Variants in ZNF891 observed in about 807,000 individuals in gnomAD.
The protein encoded by ZNF891 is hCG1646157.
For missense variants in ZNF891, 589 were observed against 632.7 expected (o/e 0.93, Z 0.74); for synonymous variants, 199 against 209.0 (o/e 0.95, Z 0.41).
Position 133,106,154 on chromosome 12 carries a change from A to T in ZNF891, c.*14130T>A, listed in dbSNP as rs763438549. On this transcript the variant is annotated 3_prime_UTR_variant, in exon 2 of 2. Coordinates refer to ENST00000537226, the MANE Select transcript of ZNF891 (RefSeq NM_001277291.2). ...TGGCTCAGAACTCATTCGCCACCAG[A>T]TTACACATACTGGAGAGAAACCTTA... The T allele has an allele frequency of 8.1e-6, 13 of 1,614,180 alleles. No individual in the cohort carries two copies. The highest frequency in any genetic ancestry group is 1.7e-5 in the Admixed American group (1 of 60,018).
rs1417779800 is a variant in ZNF891 at position 133,126,451 on chromosome 12, G to A, written c.-107+3776C>T. Among the ~76,000 whole-genome samples, 5 of 131,042 alleles carry A rather than the reference G, an allele frequency of 3.8e-5. No homozygotes were observed. The Admixed American group carries it at 4.3e-4, about 11-fold the overall frequency. The allele number at this position is 131,042 out of a possible 152,430, so 86.0% of individuals were successfully genotyped here. ...GTCGTACCACTGCACTCCAGCCTGG[G>A]CAACAAAGCGAGACTCCGTCTCAAA... On this transcript the variant is annotated intron_variant, in intron 1 of 1. Transcript: ENST00000537226.
rs1006219970 is a variant in ZNF891, at chr12:133,118,037, C to T, written c.*2247G>A. 3 of 151,194 alleles carry T rather than the reference C, an allele frequency of 2.0e-5. No individual in the cohort carries two copies. Among genetic ancestry groups the T allele is most frequent in the African/African-American group, 7.3e-5 (3 of 41,016 alleles). The allele number at this position is 151,194 out of a possible 1,614,324, so 9.4% of individuals were successfully genotyped here. A position where few individuals can be genotyped will look rare whatever the true frequency, so the allele number is the denominator to read the frequency against. On this transcript the variant is annotated 3_prime_UTR_variant, in exon 2 of 2. Coordinates refer to ENST00000537226, the MANE Select transcript of ZNF891 (RefSeq NM_001277291.2). ...TCTCATCTCACTGCAACCTCTGCCT[C>T]CCAGGTTCAAGTGATTCTTCTGCCT... is the stretch of plus-strand genomic sequence containing the variant.
chr12:133,125,795 T>C, intron 1 of ZNF891: 1 of 485,140 alleles, frequency 2.1e-6, no homozygotes, highest in Non-Finnish European at 4.1e-6. Context: ...AAGCACCAGG[T>C]CAACATGCCC....
At position 133,114,539 on chromosome 12, in the gene ZNF891, A is replaced by C. The variant is rs989221997; in HGVS notation, c.*5745T>G. 4 of 152,182 alleles carry C rather than the reference A, an allele frequency of 2.6e-5. No homozygotes were observed. The highest frequency in any genetic ancestry group is 9.7e-5 in the African/African-American group (4 of 41,446). 9.4% of individuals were successfully genotyped at this position (152,182 alleles called of 1,614,324 possible). ...ATGGTAAGTAAAAGAAAAGGCACAA[A>C]ATTTGCTGAAGAACCGTAAATATTT... On this transcript the variant is annotated 3_prime_UTR_variant, in exon 2 of 2. Transcript: ENST00000537226.
Position 133,120,563 on chromosome 12 carries a change from T to C in ZNF891, c.1356A>G (p.Lys452=). 8.3e-6 allele frequency: 13 copies of C among 1,560,380 alleles called. No homozygotes were observed. The highest frequency in any genetic ancestry group is 1.1e-5 in the Non-Finnish European group (13 of 1,153,736). The part of the protein sequence containing the change: ...NTSSHLKVHK[K]IHTGENVYEC... ...CATAAACATTCTCTCCGGTATGAAT[T>C]TTCTTATGAACTTTAAGGTGAGAGC... Residue 452 remains lysine, a synonymous_variant, in exon 2 of 2, where the codon AAA becomes AAG. Transcript: ENST00000537226.
rs535835835 is a variant in ZNF891, at chr12:133,110,101, A to G, written c.*10183T>C. ...GTCTCAAAAAAAAAGAAAACCTAGA[A>G]TATTTATTTACTCTCAGGACCTTCA... On this transcript the variant is annotated 3_prime_UTR_variant, in exon 2 of 2. Transcript: ENST00000537226. 2.0e-5 allele frequency: 3 copies of G among 152,198 alleles called. No individual in the cohort carries two copies. The highest frequency in any genetic ancestry group is 4.4e-5 in the Non-Finnish European group (3 of 68,038). The allele number at this position is 152,198 out of a possible 1,614,324, so 9.4% of individuals were successfully genotyped here.
rs1178515008 is a variant in ZNF891, at chr12:133,107,999, G to A, written c.*12285C>T. 1.3e-5 allele frequency: 2 copies of A among 152,176 alleles called. No individual in the cohort carries two copies. The highest frequency in any genetic ancestry group is 2.4e-5 in the African/African-American group (1 of 41,456). The allele number at this position is 152,176 out of a possible 1,614,324, so 9.4% of individuals were successfully genotyped here. Reference sequence around the variant, plus strand: ...TAGCCCAAAAACACCTTATTTACATGTACTAGAGTTCTAAATACATTATCA... The same window carrying A: ...TAGCCCAAAAACACCTTATTTACATATACTAGAGTTCTAAATACATTATCA... On this transcript the variant is annotated 3_prime_UTR_variant, in exon 2 of 2. Transcript: ENST00000537226.
At position 133,113,753 on chromosome 12, in the gene ZNF891, T is replaced by G. The variant is rs1009775815; in HGVS notation, c.*6531A>C. On this transcript the variant is annotated 3_prime_UTR_variant, in exon 2 of 2. Coordinates refer to ENST00000537226, the MANE Select transcript of ZNF891 (RefSeq NM_001277291.2). ...TTGTTTTTGTTTTTAGACAGGGTCT[T>G]ACTCTGTCACCCAGGCTGGAGTGCA... 1 of 152,198 alleles carries G rather than the reference T, an allele frequency of 6.6e-6. No individual in the cohort carries two copies. The highest frequency in any genetic ancestry group is 1.5e-5 in the Non-Finnish European group (1 of 68,068). 9.4% of individuals were successfully genotyped at this position (152,198 alleles called of 1,614,324 possible). A position where few individuals can be genotyped will look rare whatever the true frequency, so the allele number is the denominator to read the frequency against.
In ZNF891 at chr12:133,121,508, T is replaced by G; in HGVS notation, c.411A>C (p.Ala137=). 6 of 1,536,276 alleles carry G rather than the reference T, an allele frequency of 3.9e-6. No individual in the cohort carries two copies. The highest frequency in any genetic ancestry group is 2.4e-5 in the East Asian group (1 of 40,912). Residue 137 remains alanine, a synonymous_variant, in exon 2 of 2, where the codon GCA becomes GCC. Coordinates refer to ENST00000537226, the MANE Select transcript of ZNF891 (RefSeq NM_001277291.2). The part of the protein sequence containing the change: ...QKILWEEPSN[A]VKMIKLTMHN... ...GCATTGTGAGTTTTATCATTTTCACTGCATTGGATGGTTCCTCCCACAAAA... is the reference window on the plus strand; with the variant it reads ...GCATTGTGAGTTTTATCATTTTCACGGCATTGGATGGTTCCTCCCACAAAA...
intron 1 of ZNF891, among the ~76,000 whole-genome samples, chr12:133,128,466 T>C (rs149959108): frequency 3.3e-5 from 5 of 152,162 alleles, no homozygotes; most frequent in African/African-American, 1.2e-4. Flanking sequence ...ACCCCGTCTC[T>C]ACTAAAAAAT....
Position 133,120,405 on chromosome 12 carries a change from C to T in ZNF891, c.1514G>A (p.Arg505Lys). 3 of 1,599,176 alleles carry T rather than the reference C, an allele frequency of 1.9e-6. No homozygotes were observed. Among genetic ancestry groups the T allele is most frequent in the Non-Finnish European group, 2.6e-6 (3 of 1,173,760 alleles). Residue 505 changes from arginine to lysine, a missense_variant, in exon 2 of 2, where the codon AGG (arginine) becomes AAG (lysine). Arg to Lys is a conservative substitution (Grantham distance 26, BLOSUM62 2). Transcript: ENST00000537226. ...CTCTCCAGTGTGAATTCTCACATGC[C>T]TCCTAAGGGAAGAGGAAACACTGAA... The part of the protein sequence containing the change: ...KAFSVSSSLR[R>K]HVRIHTGEKP...
intron 1 of ZNF891, among the ~76,000 whole-genome samples, chr12:133,122,791 C>T (rs1199909782): frequency 1.3e-5 from 2 of 152,160 alleles, no homozygotes; most frequent in East Asian, 1.9e-4. Flanking sequence ...TCCCCAAAGT[C>T]CATATTGTCA....
At position 133,106,210 on chromosome 12, in the gene ZNF891, C is replaced by T. The variant is rs777751395; in HGVS notation, c.*14074G>A. 1 of 1,614,158 alleles carries T rather than the reference C, an allele frequency of 6.2e-7. No homozygotes were observed. The highest frequency in any genetic ancestry group is 1.7e-5 in the Admixed American group (1 of 60,022). Reference sequence around the variant, plus strand: ...GCATTGAATGTGGGAAGGCATTTCGCCGTTTCTCACACCTTACTCGACATC... The same window carrying T: ...GCATTGAATGTGGGAAGGCATTTCGTCGTTTCTCACACCTTACTCGACATC... On this transcript the variant is annotated 3_prime_UTR_variant, in exon 2 of 2. Coordinates refer to ENST00000537226, the MANE Select transcript of ZNF891 (RefSeq NM_001277291.2).
At position 133,114,120 on chromosome 12, in the gene ZNF891, T is replaced by C. The variant is rs1027274926; in HGVS notation, c.*6164A>G. The C allele has an allele frequency of 1.3e-5, 2 of 152,110 alleles. No homozygotes were observed. The highest frequency in any genetic ancestry group is 2.4e-5 in the African/African-American group (1 of 41,416). The allele number at this position is 152,110 out of a possible 1,614,324, so 9.4% of individuals were successfully genotyped here. ...TCATCCCTTTTCATATTATAATACA[T>C]AATGGAACAGAATATGAACACTTGC... On this transcript the variant is annotated 3_prime_UTR_variant, in exon 2 of 2. Transcript: ENST00000537226.
At position 133,106,569 on chromosome 12, in the gene ZNF891, A is replaced by C; in HGVS notation, c.*13715T>G. 6.2e-7 allele frequency: 1 copy of C among 1,613,876 alleles called. No homozygotes were observed. Among genetic ancestry groups the C allele is most frequent in the South Asian group, 1.1e-5 (1 of 91,078 alleles). Reference sequence around the variant, plus strand: ...AGCTGGAGCTCAAACCTTGCTAAACATCAGAGGACACACACTCTTGACAAC... The same window carrying C: ...AGCTGGAGCTCAAACCTTGCTAAACCTCAGAGGACACACACTCTTGACAAC... On this transcript the variant is annotated 3_prime_UTR_variant, in exon 2 of 2. Coordinates refer to ENST00000537226, the MANE Select transcript of ZNF891 (RefSeq NM_001277291.2).
Position 133,106,452 on chromosome 12 carries a change from A to T in ZNF891, c.*13832T>A. ...CCCTATGCGTGTGCTGAATGTGATA[A>T]AGCCTTCAGCCGGAGCTTTTCCCTC... On this transcript the variant is annotated 3_prime_UTR_variant, in exon 2 of 2. Transcript: ENST00000537226. The T allele has an allele frequency of 6.2e-7, 1 of 1,614,094 alleles. No homozygotes were observed. Among genetic ancestry groups the T allele is most frequent in the Non-Finnish European group, 8.5e-7 (1 of 1,180,006 alleles).
chr12:133,105,377 C>G lies in ZNF891; in HGVS notation c.*14907G>C. On this transcript the variant is annotated 3_prime_UTR_variant, in exon 2 of 2. Transcript: ENST00000537226. ...AGTTCTGGGCATACTACTCAGATTT[C>G]AGTCACAGCTGTGAAAGCTGCTATT... 1.2e-6 allele frequency: 1 copy of G among 866,218 alleles called. No homozygotes were observed. Among genetic ancestry groups the G allele is most frequent in the South Asian group, 1.9e-5 (1 of 52,962 alleles). The allele number at this position is 866,218 out of a possible 1,614,324, so 53.7% of individuals were successfully genotyped here.
chr12:133,120,816 C>CT lies in ZNF891; in HGVS notation c.1102dup (p.Arg368LysfsTer10). ...ATAGGGTTTCTCTCCAGTGTGAGTTCTTACATGTCTCCTTAAGGTTGAGGA... is the reference window on the plus strand; with the variant it reads ...ATAGGGTTTCTCTCCAGTGTGAGTTCTTTACATGTCTCCTTAAGGTTGAGGA... On this transcript the variant is annotated frameshift_variant, in exon 2 of 2. Transcript: ENST00000537226. LOFTEE classifies it low-confidence loss of function (END_TRUNC). The CT allele has an allele frequency of 6.4e-7, 1 of 1,565,900 alleles. No individual in the cohort carries two copies. Among genetic ancestry groups the CT allele is most frequent in the Non-Finnish European group, 8.6e-7 (1 of 1,156,840 alleles).
At position 133,105,398 on chromosome 12, in the gene ZNF891, C is replaced by T; in HGVS notation, c.*14886G>A. 5 of 1,117,812 alleles carry T rather than the reference C, an allele frequency of 4.5e-6. No individual in the cohort carries two copies. Among genetic ancestry groups the T allele is most frequent in the Non-Finnish European group, 5.0e-6 (4 of 803,964 alleles). The allele number at this position is 1,117,812 out of a possible 1,614,324, so 69.2% of individuals were successfully genotyped here. A position where few individuals can be genotyped will look rare whatever the true frequency, so the allele number is the denominator to read the frequency against. ...ATTTCAGTCACAGCTGTGAAAGCTG[C>T]TATTGATAAGATTTTTTGAAACTTC... On this transcript the variant is annotated 3_prime_UTR_variant, in exon 2 of 2. Transcript: ENST00000537226.
Sources: gnomAD v4.1 joint callset for allele counts (sites outside exome capture counted in the v4.1 genomes callset) on GRCh38, gnomAD v4.1.1 for gene constraint, MANE v1.5 for transcripts, NCBI Gene and HGNC (gene_info 2026-07-23, HGNC 2026-07-21) for gene names.